Variants in NUDT21 observed in about 807,000 individuals in gnomAD.
The protein encoded by NUDT21 is cleavage and polyadenylation specificity factor subunit 5.
In NUDT21, 5 loss-of-function variants were observed where a neutral mutation model predicts 29.8. The ratio of observed to expected loss-of-function variants is 0.17; its 90% CI spans 0.09 to 0.35. NUDT21 has a LOEUF of 0.35. Ranked by LOEUF, NUDT21 falls within the 10% of genes least tolerant of loss-of-function variation. NUDT21 has a pLI of 1.00. For synonymous variants in NUDT21, 113 were observed against 98.5 expected, an observed-to-expected ratio of 1.15 and a Z score of -0.87; for missense variants, 76 against 276.0, an observed-to-expected ratio of 0.28 and a Z score of 5.13.
intron 3 of NUDT21, among the ~76,000 whole-genome samples, chr16:56,444,349 C>G (rs1430866161): frequency 6.6e-6 from 1 of 152,036 alleles, no homozygotes; most frequent in African/African-American, 2.4e-5. Flanking sequence ...TTTGGGAGGC[C>G]AAAGCAGGCA....
chr16:56,446,887 G>T, intron 2 of NUDT21, 198 bp from the exon 3 acceptor site: 2 of 435,470 alleles, frequency 4.6e-6, no homozygotes, highest in South Asian at 5.3e-5. Flanking sequence ...ACAAACCCTA[G>T]GTTTTTTTCC....
At chr16:56,437,532 AG>A (rs1254215621) in intron 4 of NUDT21, among the ~76,000 whole-genome samples, 2 of 152,190 alleles carry the variant, frequency 1.3e-5, no homozygotes, top group African/African-American at 4.8e-5. Context: ...AAAGTATCAG[AG>A]GGTTCCCTGT....
At chr16:56,445,501 T>C (rs1422346472) in intron 3 of NUDT21, among the ~76,000 whole-genome samples, 1 of 152,248 alleles carries the variant, frequency 6.6e-6, no homozygotes, top group Non-Finnish European at 1.5e-5. Context: ...CCTGTTGTGC[T>C]ATCAAATAGC....
intron 1 of NUDT21, 89 bp downstream of exon 1, chr16:56,450,998 G>C: frequency 1.2e-5 from 13 of 1,127,546 alleles, no homozygotes; most frequent in Middle Eastern, 2.2e-4. Flanking sequence ...GTGCAGAGGC[G>C]TGAAGCGCGC....
chr16:56,441,786 T>C (rs1409201351), intron 3 of NUDT21, among the ~76,000 whole-genome samples: 3 of 152,250 alleles, frequency 2.0e-5, no homozygotes, highest in African/African-American at 7.2e-5. Flanking sequence ...TAACTTTCAT[T>C]TCCTTTGCTA....
At chr16:56,443,182 CTT>C (rs546436346) in intron 3 of NUDT21, among the ~76,000 whole-genome samples, 2 of 143,850 alleles carry the variant, frequency 1.4e-5, no homozygotes, top group Admixed American at 6.9e-5. Flanking sequence ...ATTTTTTTTT[CTT>C]TTTTTTTTTT....
rs768534350 is a variant in NUDT21, at chr16:56,451,219, G to A, written c.-17C>T. The A allele has an allele frequency of 5.1e-6, 8 of 1,572,832 alleles. No homozygotes were observed. In the Admixed American group the frequency reaches 1.4e-4, roughly 28 times the overall value. On this transcript the variant is annotated 5_prime_UTR_variant, in exon 1 of 7. Transcript: ENST00000300291. ...CACAGACATGCTGGCGAGCTCCGGC[G>A]CTGACGGCGAGCAGAAAGTGGCAGG...
At chr16:56,450,244 A>G (rs1158757545) in intron 1 of NUDT21, among the ~76,000 whole-genome samples, 1 of 152,212 alleles carries the variant, frequency 6.6e-6, no homozygotes, top group Admixed American at 6.5e-5. Flanking sequence ...ACGATTTTAA[A>G]AAGCATTACT....
intron 3 of NUDT21, among the ~76,000 whole-genome samples, chr16:56,443,718 T>C (rs1962184904): frequency 6.6e-6 from 1 of 152,114 alleles, no homozygotes. Context: ...GGATTCACTC[T>C]TGCTTCCTCC....
At chr16:56,439,130 A>C (rs537574007) in intron 4 of NUDT21, 1 of 153,894 alleles carries the variant, frequency 6.5e-6, no homozygotes, top group East Asian at 1.9e-4. Flanking sequence ...GGGTAGCGCA[A>C]TTCATTCACT....
chr16:56,439,573 T>G, intron 4 of NUDT21, 84 bp downstream of exon 4: 2 of 903,760 alleles, frequency 2.2e-6, no homozygotes, highest in Non-Finnish European at 3.6e-6. Context: ...CAAGTCAAAT[T>G]CTACTTTAAT....
intron 4 of NUDT21, among the ~76,000 whole-genome samples, chr16:56,436,022 A>AAT (rs1336017199): frequency 2.0e-5 from 3 of 147,808 alleles, no homozygotes; most frequent in Non-Finnish European, 3.0e-5. Context: ...ATATATATAT[A>AAT]ATATATATGT....
Position 56,448,141 on chromosome 16 carries a change from A to T in NUDT21, c.117-152T>A, listed in dbSNP as rs1395242146. ...AGTTAACTAAAGTTAATGAAACAGC[A>T]GAGACTGGAATCTTGCTCTCTGGAC... On this transcript the variant is annotated intron_variant, in intron 1 of 6. Transcript: ENST00000300291. 4 of 644,466 alleles carry T rather than the reference A, an allele frequency of 6.2e-6. No individual in the cohort carries two copies. In the African/African-American group the frequency reaches 7.3e-5, roughly 12 times the overall value. The allele number at this position is 644,466 out of a possible 1,614,324, so 39.9% of individuals were successfully genotyped here.
At chr16:56,444,943 G>A (rs1160247549) in intron 3 of NUDT21, among the ~76,000 whole-genome samples, 1 of 152,184 alleles carries the variant, frequency 6.6e-6, no homozygotes, top group Non-Finnish European at 1.5e-5. Flanking sequence ...CAGCACTTTG[G>A]AAGGCCAAGA....
At chr16:56,442,603 T>G (rs1243454951) in intron 3 of NUDT21, among the ~76,000 whole-genome samples, 2 of 152,234 alleles carry the variant, frequency 1.3e-5, no homozygotes, top group Non-Finnish European at 2.9e-5. Context: ...AACGTCATGA[T>G]GATATGCCTT....
rs1222095433 is a variant in NUDT21, at chr16:56,432,728, T to C, written c.668A>G (p.Asn223Ser). The change falls in exon 7 of 7, where the codon AAT becomes AGT. Residue 223 changes from asparagine (N) to serine (S), a missense_variant. Physicochemically the swap from Asn to Ser is conservative, Grantham distance 46. Coordinates refer to ENST00000300291, the MANE Select transcript of NUDT21 (RefSeq NM_007006.3). Reference sequence around the variant, plus strand: ...CGCAGGAATTCAGTTGTAAATAAAATTGAACCTGAATTTTAAAAAGAACAA... The same window carrying C: ...CGCAGGAATTCAGTTGTAAATAAAACTGAACCTGAATTTTAAAAAGAACAA... The part of the protein sequence containing the change: ...SSLPQLLSRF[N>S]FIYN 1.2e-6 allele frequency: 2 copies of C among 1,608,712 alleles called. No individual in the cohort carries two copies. Among genetic ancestry groups the C allele is most frequent in the East Asian group, 2.2e-5 (1 of 44,828 alleles).
intron 3 of NUDT21, among the ~76,000 whole-genome samples, chr16:56,444,402 G>A (rs376770510): frequency 7.2e-5 from 11 of 152,054 alleles, no homozygotes; most frequent in Middle Eastern, 3.4e-3. Flanking sequence ...TGGCCGACAC[G>A]GTGAAACCCC....
chr16:56,437,891 AT>A (rs377359693), intron 4 of NUDT21, among the ~76,000 whole-genome samples: 95 of 150,362 alleles, frequency 6.3e-4, no homozygotes, highest in Non-Finnish European at 1.1e-3. Flanking sequence ...ATAGCAGCAT[AT>A]TTTTTTTTTC....
At chr16:56,437,235 T>C (rs1962113792) in intron 4 of NUDT21, among the ~76,000 whole-genome samples, 2 of 152,164 alleles carry the variant, frequency 1.3e-5, no homozygotes. Flanking sequence ...TGATATTTTG[T>C]GCAATGCTTG....
Sources: allele counts gnomAD v4.1 joint callset (sites outside exome capture counted in the v4.1 genomes callset), GRCh38; gene constraint gnomAD v4.1.1; transcripts MANE v1.5; gene names NCBI Gene and HGNC (gene_info 2026-07-23, HGNC 2026-07-21).